HMCN1: variants seen among roughly 807,000 people sequenced by gnomAD.
The protein encoded by HMCN1 is hemicentin 1.
A neutral mutation model predicts 625.9 loss-of-function variants in HMCN1; 321 were observed. The observed-to-expected ratio is 0.51, with a 90% CI of 0.47 to 0.56. The LOEUF is 0.56. Among genes scored for constraint, HMCN1 ranks in the 20% least tolerant of loss-of-function variants. The pLI is 0.00. For missense variants in HMCN1, 6,588 were observed against 6,887.3 expected, an observed-to-expected ratio of 0.96 and a Z score of 1.54; for synonymous variants, 2,425 against 2,417.6, an observed-to-expected ratio of 1.00 and a Z score of -0.09.
At chr1:186,000,499 A>G (rs997897497) in intron 26 of HMCN1, among the ~76,000 whole-genome samples, 1 of 151,540 alleles carries the variant, frequency 6.6e-6, no homozygotes, top group African/African-American at 2.4e-5. Flanking sequence ...TGAGCCATCT[A>G]CTTATCCTCT....
chr1:186,142,997 AATACAGAAGTAGTTTTG>A (rs1275019270), intron 89 of HMCN1, among the ~76,000 whole-genome samples: 1 of 152,204 alleles, frequency 6.6e-6, no homozygotes. Context: ...AGCCTGAATT[AATACAGAAGTAGTTTTG>A]AATATCTGCC....
chr1:185,995,165 T>A (rs1308410752), intron 24 of HMCN1, 78 bp downstream of exon 24: 11 of 1,281,158 alleles, frequency 8.6e-6, no homozygotes, highest in Non-Finnish European at 1.1e-5. Context: ...TAGATTATCT[T>A]CGATAATCTT....
At chr1:185,801,937 T>C (rs999117406) in intron 1 of HMCN1, among the ~76,000 whole-genome samples, 2 of 152,148 alleles carry the variant, frequency 1.3e-5, no homozygotes, top group Non-Finnish European at 2.9e-5. Flanking sequence ...CATGTTTATG[T>C]CCCAGAAAAC....
chr1:186,012,121 A>G (rs1024849529), intron 30 of HMCN1, among the ~76,000 whole-genome samples: 25 of 124,354 alleles, frequency 2.0e-4, no homozygotes, highest in Non-Finnish European at 3.5e-4. Context: ...GTTCAATGAC[A>G]CCTGATCTTT....
At chr1:185,790,878 T>C (rs574611119) in intron 1 of HMCN1, among the ~76,000 whole-genome samples, 1 of 152,310 alleles carries the variant, frequency 6.6e-6, no homozygotes, top group South Asian at 2.1e-4. Context: ...TATTTATTTA[T>C]TTATTTGTTT....
chr1:186,099,127 T>C (rs1258368745), intron 68 of HMCN1, among the ~76,000 whole-genome samples: 1 of 152,042 alleles, frequency 6.6e-6, no homozygotes, highest in Non-Finnish European at 1.5e-5. Context: ...TATACTATTG[T>C]ATATCTCAGA....
rs187717667 is a variant in HMCN1, at chr1:185,826,107, G to A, written c.269-19919G>A. ...GCTATTTTGAGGCATATACAATAAA[G>A]TAGTTTTATGTGTTTTACAGTGCCA... is the stretch of plus-strand genomic sequence containing the variant. On this transcript the variant is annotated intron_variant, in intron 1 of 106. Coordinates refer to ENST00000271588, the MANE Select transcript of HMCN1 (RefSeq NM_031935.3). Among the ~76,000 whole-genome samples, 115 of 140,126 alleles carry A rather than the reference G, an allele frequency of 8.2e-4. 1 individual carries two copies. Among genetic ancestry groups the A allele is most frequent in the African/African-American group, 3.8e-3 (115 of 30,444 alleles). 91.9% of individuals were successfully genotyped at this position (140,126 alleles called of 152,430 possible).
chr1:185,958,418 C>T (rs1024391021), intron 11 of HMCN1, among the ~76,000 whole-genome samples: 2 of 152,090 alleles, frequency 1.3e-5, no homozygotes, highest in African/African-American at 4.8e-5. Context: ...CACGTACAGG[C>T]TGAAATAGGA....
chr1:185,828,717 G>A (rs896424292), intron 1 of HMCN1, among the ~76,000 whole-genome samples: 3 of 151,876 alleles, frequency 2.0e-5, no homozygotes, highest in Non-Finnish European at 4.4e-5. Flanking sequence ...TAATAACAAG[G>A]GAGGTAAATT....
chr1:186,109,489 GCTCA>G (rs1472455936), intron 71 of HMCN1, among the ~76,000 whole-genome samples: 1 of 152,196 alleles, frequency 6.6e-6, no homozygotes, highest in Non-Finnish European at 1.5e-5. Context: ...ACCTCAAAGA[GCTCA>G]CTCACTATCT....
chr1:186,144,162 G>A lies in HMCN1; in HGVS notation c.13925-11G>A, dbSNP rs1422890284. On this transcript the variant is annotated splice_polypyrimidine_tract_variant and intron_variant, in intron 89 of 106. Coordinates refer to ENST00000271588, the MANE Select transcript of HMCN1 (RefSeq NM_031935.3). ...TCTGTGACTTGCAACTGTCTTTTGG[G>A]GTGTTTGCAGTTCATGGAGCATGGA... 1 of 1,581,808 alleles carries A rather than the reference G, an allele frequency of 6.3e-7. No homozygotes were observed. The highest frequency in any genetic ancestry group is 1.2e-5 in the South Asian group (1 of 85,494).
intron 1 of HMCN1, among the ~76,000 whole-genome samples, chr1:185,746,458 G>A (rs868238456): frequency 6.6e-6 from 1 of 152,120 alleles, no homozygotes; most frequent in African/African-American, 2.4e-5. Flanking sequence ...AGGCTGTGAG[G>A]ACAAATCTGT....
Position 186,136,772 on chromosome 1 carries a change from T to C in HMCN1, c.13417T>C (p.Trp4473Arg). Residue 4473 changes from tryptophan (W) to arginine (R), a missense_variant, in exon 87 of 107, where the codon TGG becomes CGG. Trp to Arg is a moderately radical substitution (Grantham distance 101, BLOSUM62 -3). Around this residue, in one of 3 missense-constraint regions of HMCN1, gnomAD observed 1,954 missense variants for 2,013.1 expected, o/e 0.97. Coordinates refer to ENST00000271588, the MANE Select transcript of HMCN1 (RefSeq NM_031935.3). ...TGGAGAGCCTCAACCAACCATTACA[T>C]GGTCCCGTCAAGGGCACTCTATTTC... ...ATGEPQPTIT[W>R]SRQGHSISWD... 1.2e-6 allele frequency: 2 copies of C among 1,614,036 alleles called. No homozygotes were observed. The highest frequency in any genetic ancestry group is 1.7e-6 in the Non-Finnish European group (2 of 1,179,956).
In HMCN1 at chr1:186,182,265, A is replaced by T; in HGVS notation, c.16392A>T (p.Thr5464=). 1 of 1,613,528 alleles carries T rather than the reference A, an allele frequency of 6.2e-7. No individual in the cohort carries two copies. ...QCICPPGYQL[T]HNGKTCQDID... Reference sequence around the variant, plus strand: ...TCTGCCCACCTGGCTATCAACTCACACACAATGGAAAGACATGCCAAGGTG... The same window carrying T: ...TCTGCCCACCTGGCTATCAACTCACTCACAATGGAAAGACATGCCAAGGTG... Residue 5464 remains threonine, a synonymous_variant, in exon 105 of 107, where the codon ACA becomes ACT. Transcript: ENST00000271588.
At chr1:186,175,876 C>CAAAAAAAAAAA (rs758445916) in intron 103 of HMCN1, among the ~76,000 whole-genome samples, 1 of 76,176 alleles carries the variant, frequency 1.3e-5, no homozygotes, top group Admixed American at 1.5e-4. Context: ...AACTATGTCT[C>CAAAAAAAAAAA]AAAAAAAAAA....
intron 1 of HMCN1, among the ~76,000 whole-genome samples, chr1:185,788,422 A>G (rs1204365410): frequency 6.6e-6 from 1 of 152,240 alleles, no homozygotes; most frequent in Non-Finnish European, 1.5e-5. Context: ...AACATGTAAA[A>G]CATGTGGAAC....
Position 185,928,683 on chromosome 1 carries a change from T to C in HMCN1, c.1552+16T>C, listed in dbSNP as rs1380845308. On this transcript the variant is annotated intron_variant, in intron 10 of 106. Coordinates refer to ENST00000271588, the MANE Select transcript of HMCN1 (RefSeq NM_031935.3). ...GACGTATCAGGTAATTACCACTAAT[T>C]TCTTTGCAGTTGCCCAAGTATTAAT... 6.2e-7 allele frequency: 1 copy of C among 1,612,402 alleles called. No homozygotes were observed. Among genetic ancestry groups the C allele is most frequent in the African/African-American group, 1.3e-5 (1 of 74,886 alleles).
chr1:185,740,881 C>T (rs1358666713), intron 1 of HMCN1, among the ~76,000 whole-genome samples: 1 of 152,042 alleles, frequency 6.6e-6, no homozygotes, highest in Non-Finnish European at 1.5e-5. Flanking sequence ...ATAGTCTCAG[C>T]TTCTTGGGAG....
At chr1:185,792,947 C>A (rs1439548303) in intron 1 of HMCN1, among the ~76,000 whole-genome samples, 1 of 152,172 alleles carries the variant, frequency 6.6e-6, no homozygotes, top group African/African-American at 2.4e-5. Flanking sequence ...TATAGCAATG[C>A]TTTCAGTCTC....
Sources: gnomAD v4.1 joint callset for allele counts (sites outside exome capture counted in the v4.1 genomes callset) on GRCh38, gnomAD v4.1.1 for gene constraint, gnomAD v4.1.1 regional missense constraint, MANE v1.5 for transcripts, NCBI Gene and HGNC (gene_info 2026-07-23, HGNC 2026-07-21) for gene names.